Variants in NREP observed in about 807,000 individuals in gnomAD.
NREP encodes the protein neuronal regeneration related protein, also known as neuronal regeneration-related protein.
A neutral mutation model predicts 8.6 loss-of-function variants in NREP; 5 were observed. The ratio of observed to expected loss-of-function variants is 0.58; its 90% CI spans 0.30 to 1.22. NREP has a LOEUF of 1.22. NREP is among the 50% of genes most tolerant of loss of function. NREP has a pLI of 0.07. For missense variants in NREP, 86 were observed against 82.5 expected (o/e 1.04, Z -0.17); for synonymous variants, 27 against 28.0 (o/e 0.96, Z 0.11).
intron 2 of NREP, among the ~76,000 whole-genome samples, chr5:111,746,312 C>T (rs1749999240): frequency 6.6e-6 from 1 of 151,686 alleles, no homozygotes; most frequent in African/African-American, 2.4e-5. Context: ...TCTCCCAGAC[C>T]TTGATAACAA....
intron 2 of NREP, among the ~76,000 whole-genome samples, chr5:111,750,295 A>G (rs1487351675): frequency 6.6e-6 from 1 of 152,218 alleles, no homozygotes; most frequent in Non-Finnish European, 1.5e-5. Context: ...CTCACTCAAT[A>G]TAAGGACTGG....
intron 2 of NREP, among the ~76,000 whole-genome samples, chr5:111,893,815 T>G (rs1254530428): frequency 6.6e-6 from 1 of 151,856 alleles, no homozygotes; most frequent in East Asian, 2.0e-4. Context: ...ATCTTGTAAC[T>G]GTATGATGTG....
intron 2 of NREP, among the ~76,000 whole-genome samples, chr5:111,814,662 G>A (rs1752345293): frequency 6.6e-6 from 1 of 152,234 alleles, no homozygotes; most frequent in East Asian, 1.9e-4. Context: ...AGGGGGTATT[G>A]CTGCTAAAAT....
intron 2 of NREP, among the ~76,000 whole-genome samples, chr5:111,950,945 A>G (rs1018482347): frequency 2.6e-5 from 4 of 152,032 alleles, no homozygotes; most frequent in African/African-American, 4.8e-5. Flanking sequence ...AGTGCAATTG[A>G]CGTCTCCTAT....
chr5:111,939,204 C>A (rs1755763513), intron 2 of NREP, among the ~76,000 whole-genome samples: 1 of 152,004 alleles, frequency 6.6e-6, no homozygotes, highest in Non-Finnish European at 1.5e-5. Flanking sequence ...CACCTCCTAG[C>A]AAATGAACCA....
chr5:111,858,252 C>T (rs1157426289), intron 2 of NREP, among the ~76,000 whole-genome samples: 1 of 152,128 alleles, frequency 6.6e-6, no homozygotes, highest in African/African-American at 2.4e-5. Context: ...AGAAACACTA[C>T]TTAGAGGTCT....
intron 2 of NREP, among the ~76,000 whole-genome samples, chr5:111,779,691 C>G (rs956732748): frequency 1.3e-5 from 2 of 152,132 alleles, no homozygotes; most frequent in African/African-American, 2.4e-5. Context: ...AGAGACTATT[C>G]AGAGAGTATA....
At chr5:111,947,179 T>C (rs1402997955) in intron 2 of NREP, among the ~76,000 whole-genome samples, 1 of 151,994 alleles carries the variant, frequency 6.6e-6, no homozygotes, top group Non-Finnish European at 1.5e-5. Context: ...CTCCACAATA[T>C]CTCATAGTTG....
At chr5:111,919,483 T>C (rs1033141395) in intron 2 of NREP, among the ~76,000 whole-genome samples, 1 of 152,056 alleles carries the variant, frequency 6.6e-6, no homozygotes. Flanking sequence ...CAAATGCCCA[T>C]CAATGATAGA....
intron 2 of NREP, among the ~76,000 whole-genome samples, chr5:111,810,671 G>A (rs1383302158): frequency 2.0e-5 from 3 of 152,152 alleles, no homozygotes; most frequent in African/African-American, 4.8e-5. Flanking sequence ...ACAGCTTCTT[G>A]TATCATGTAG....
chr5:111,772,425 T>C (rs540102336), intron 2 of NREP, among the ~76,000 whole-genome samples: 97 of 152,342 alleles, frequency 6.4e-4, no homozygotes, highest in African/African-American at 2.2e-3. Context: ...TCATCATTAA[T>C]ATACAAAACT....
At chr5:111,894,767 G>A (rs1204664369) in intron 2 of NREP, among the ~76,000 whole-genome samples, 1 of 152,188 alleles carries the variant, frequency 6.6e-6, no homozygotes. Context: ...CCCTATGGAT[G>A]TGATCCTTAA....
At chr5:111,750,054 G>T (rs1430666650) in intron 2 of NREP, among the ~76,000 whole-genome samples, 1 of 152,168 alleles carries the variant, frequency 6.6e-6, no homozygotes, top group African/African-American at 2.4e-5. Flanking sequence ...TCTCTAAGAT[G>T]CCTGCTCAGG....
intron 2 of NREP, among the ~76,000 whole-genome samples, chr5:111,819,910 T>C (rs1752477808): frequency 6.6e-6 from 1 of 152,182 alleles, no homozygotes; most frequent in Admixed American, 6.5e-5. Context: ...AGAGAGCTTA[T>C]TAATTGGTAA....
At chr5:111,847,587 A>C (rs762579619) in intron 2 of NREP, among the ~76,000 whole-genome samples, 1 of 152,202 alleles carries the variant, frequency 6.6e-6, no homozygotes, top group Non-Finnish European at 1.5e-5. Context: ...AGTGTCCTGC[A>C]AAGCAGTATG....
chr5:111,785,075 A>G (rs1367812713), intron 2 of NREP, among the ~76,000 whole-genome samples: 1 of 152,088 alleles, frequency 6.6e-6, no homozygotes, highest in African/African-American at 2.4e-5. Flanking sequence ...TGCAGCCCAG[A>G]ATCTATATCC....
chr5:111,896,013 AT>A (rs1232914261), intron 2 of NREP, among the ~76,000 whole-genome samples: 1 of 152,226 alleles, frequency 6.6e-6, no homozygotes, highest in Admixed American at 6.6e-5. Flanking sequence ...TTTGGATTTT[AT>A]AATAATAGTG....
At chr5:111,920,617 G>C (rs1481448713) in intron 2 of NREP, among the ~76,000 whole-genome samples, 1 of 152,134 alleles carries the variant, frequency 6.6e-6, no homozygotes. Context: ...CCATTTTACA[G>C]TGAAATGTAA....
chr5:111,810,766 T>C (rs1475141015), intron 2 of NREP, among the ~76,000 whole-genome samples: 1 of 152,228 alleles, frequency 6.6e-6, no homozygotes, highest in Non-Finnish European at 1.5e-5. Context: ...GGTTTCCCTA[T>C]TAAGTTTCAT....
Sources: allele counts gnomAD v4.1 joint callset (sites outside exome capture counted in the v4.1 genomes callset), GRCh38; gene constraint gnomAD v4.1.1; transcripts MANE v1.5; gene names NCBI Gene and HGNC (gene_info 2026-07-23, HGNC 2026-07-21).